MMP8: variants seen among roughly 807,000 people sequenced by gnomAD.
MMP8 encodes the protein neutrophil collagenase.
Under a neutral mutation model 51.2 loss-of-function variants are expected in MMP8, and 67 were observed. The ratio of observed to expected loss-of-function variants is 1.31; its 90% CI spans 1.08 to 1.60. The LOEUF is 1.60. Ranked by LOEUF, MMP8 falls within the 40% of genes most tolerant of loss-of-function variation. The pLI, the probability that MMP8 is intolerant of heterozygous loss-of-function variation, is 0.00. For synonymous variants in MMP8, 225 were observed against 191.0 expected (o/e 1.18, Z -1.47); for missense variants, 654 against 558.1 (o/e 1.17, Z -1.73).
chr11:102,715,182 G>T, intron 7 of MMP8, 122 bp downstream of exon 7: 1 of 1,246,244 alleles, frequency 8.0e-7, no homozygotes, highest in Non-Finnish European at 1.1e-6. Context: ...TAGTCTTCTG[G>T]CAAAAGCCTG....
intron 7 of MMP8, 52 bp from the exon 8 acceptor site, chr11:102,714,761 ATTATATATATATAT>A (rs1565436109): frequency 1.5e-5 from 4 of 264,396 alleles, no homozygotes. Context: ...TTTTTACAAA[ATTATATATATATAT>A]ATATATATAT....
At chr11:102,713,488 T>G in intron 9 of MMP8, 31 bp from the exon 10 acceptor site, 2 of 1,524,168 alleles carry the variant, frequency 1.3e-6, no homozygotes, top group Non-Finnish European at 1.8e-6. Context: ...TTTATTGAAT[T>G]AGCTTATAGA....
chr11:102,716,685 T>A (rs1031071322), intron 5 of MMP8, among the ~76,000 whole-genome samples: 2 of 152,180 alleles, frequency 1.3e-5, no homozygotes, highest in African/African-American at 4.8e-5. Flanking sequence ...TGCTCCTTCC[T>A]TCCCTTTTAA....
chr11:102,723,014 T>C, intron 1 of MMP8: 1 of 1,298,482 alleles, frequency 7.7e-7, no homozygotes, highest in Middle Eastern at 2.1e-4. Flanking sequence ...TCTTGAGGTA[T>C]TTGTTGCATC....
chr11:102,717,588 G>A (rs1256402612), intron 5 of MMP8, among the ~76,000 whole-genome samples: 2 of 152,016 alleles, frequency 1.3e-5, no homozygotes, highest in Non-Finnish European at 2.9e-5. Context: ...TCTCACTGCT[G>A]CACATCACTT....
Position 102,718,408 on chromosome 11 carries a change from C to A in MMP8, c.784+6G>T, listed in dbSNP as rs781504535. ...ATGTACTATGACTCTCTTGAGAAGA[C>A]CTTACCATAGATGGCCTGAATGCCA... On this transcript the variant is annotated splice_donor_region_variant and intron_variant, in intron 5 of 9. Coordinates refer to ENST00000236826, the MANE Select transcript of MMP8 (RefSeq NM_002424.3). 1.2e-6 allele frequency: 2 copies of A among 1,607,630 alleles called. No individual in the cohort carries two copies. Among genetic ancestry groups the A allele is most frequent in the East Asian group, 4.5e-5 (2 of 44,712 alleles).
chr11:102,713,591 T>C, intron 9 of MMP8, 134 bp from the exon 10 acceptor site: 1 of 994,978 alleles, frequency 1.0e-6, no homozygotes, highest in Admixed American at 2.4e-5. Flanking sequence ...AAACACCAGG[T>C]GCGGTGGCTA....
intron 1 of MMP8, chr11:102,723,205 G>A (rs1235550204): frequency 4.4e-6 from 2 of 450,622 alleles, no homozygotes; most frequent in Non-Finnish European, 8.4e-6. Context: ...TCTTTTAGGG[G>A]AACAGCAATA....
Position 102,721,678 on chromosome 11 carries a change from T to C in MMP8, c.432A>G (p.Ser144=), listed in dbSNP as rs1185269596. The change falls in exon 3 of 10, where the codon TCA becomes TCG. Residue 144 remains serine, a synonymous_variant. Coordinates refer to ENST00000236826, the MANE Select transcript of MMP8 (RefSeq NM_002424.3). ...GTGAGATCCTGGTGAAGATGAGAGG[T>C]GATGCAACACTCCAGAGTTCAAAGG... ...KDAFELWSVA[S]PLIFTRISQG... is the part of the protein sequence containing the mutation. 6 of 1,613,856 alleles carry C rather than the reference T, an allele frequency of 3.7e-6. No individual in the cohort carries two copies. Among genetic ancestry groups the C allele is most frequent in the East Asian group, 4.5e-5 (2 of 44,870 alleles).
intron 5 of MMP8, among the ~76,000 whole-genome samples, chr11:102,718,106 C>T (rs931118455): frequency 3.9e-5 from 5 of 129,426 alleles, no homozygotes; most frequent in African/African-American, 1.1e-4. Flanking sequence ...GACTCCATCC[C>T]CCCCCCCAAA....
chr11:102,723,479 C>A, intron 1 of MMP8: 1 of 454,450 alleles, frequency 2.2e-6, no homozygotes, highest in Non-Finnish European at 4.4e-6. Flanking sequence ...TTTTCTCTCA[C>A]AATTCTGGAG....
At chr11:102,723,485 T>C in intron 1 of MMP8, 1 of 455,574 alleles carries the variant, frequency 2.2e-6, no homozygotes, top group South Asian at 1.6e-5. Flanking sequence ...CTCACAATTC[T>C]GGAGGCTGGG....
rs750521832 is a variant in MMP8 at position 102,718,452 on chromosome 11, A to G, written c.746T>C (p.Leu249Pro). 2 of 1,613,410 alleles carry G rather than the reference A, an allele frequency of 1.2e-6. No homozygotes were observed. The highest frequency in any genetic ancestry group is 2.2e-5 in the South Asian group (2 of 90,954). The change falls in exon 5 of 10, where the codon CTC becomes CCC. Residue 249 changes from leucine to proline, a missense_variant. Leu to Pro is a moderately conservative substitution (Grantham distance 98, BLOSUM62 -3). Coordinates refer to ENST00000236826, the MANE Select transcript of MMP8 (RefSeq NM_002424.3). ...AATGCCATCGATGTCATCTTGAGGG[A>G]GTGAGTAGTTGCTGGTTTCCCTGAA... ...YAFRETSNYSLPQDDIDGIQA... is the reference protein window; with the variant it reads ...YAFRETSNYSPPQDDIDGIQA...
Position 102,715,445 on chromosome 11 carries a change from A to G in MMP8, c.903-8T>C, listed in dbSNP as rs184419254. On this transcript the variant is annotated splice_region_variant and splice_polypyrimidine_tract_variant and intron_variant, in intron 6 of 9. Coordinates refer to ENST00000236826, the MANE Select transcript of MMP8 (RefSeq NM_002424.3). ...TGCCTTCTCCAGAAGTACCTAACGG[A>G]ACATAAGGAAACACACACACACACT... The G allele has an allele frequency of 3.1e-6, 5 of 1,608,390 alleles. No individual in the cohort carries two copies. Among genetic ancestry groups the G allele is most frequent in the Non-Finnish European group, 4.2e-6 (5 of 1,177,600 alleles).
At chr11:102,723,025 A>C (rs1314042806) in intron 1 of MMP8, 8 of 1,295,600 alleles carry the variant, frequency 6.2e-6, no homozygotes, top group Non-Finnish European at 6.0e-6. Context: ...TTGTTGCATC[A>C]GTGCAGTTCC....
intron 9 of MMP8, 103 bp from the exon 10 acceptor site, chr11:102,713,560 A>C: frequency 9.0e-7 from 1 of 1,108,886 alleles, no homozygotes; most frequent in Non-Finnish European, 1.3e-6. Context: ...TTCAAATGCA[A>C]ACATGCTATT....
chr11:102,715,563 T>A (rs1299571238), intron 6 of MMP8, 126 bp from the exon 7 acceptor site: 1 of 1,280,320 alleles, frequency 7.8e-7, no homozygotes, highest in Non-Finnish European at 1.1e-6. Flanking sequence ...ATCGAACGAA[T>A]GCAAAGTTCC....
chr11:102,720,092 T>A (rs1017408974), intron 4 of MMP8, among the ~76,000 whole-genome samples: 2 of 152,058 alleles, frequency 1.3e-5, no homozygotes, highest in Non-Finnish European at 2.9e-5. Context: ...ACAATGTGGG[T>A]GTTAGCCCGA....
intron 8 of MMP8, 47 bp downstream of exon 8, chr11:102,714,509 G>C (rs1330410033): frequency 1.5e-6 from 2 of 1,303,458 alleles, no homozygotes; most frequent in South Asian, 2.3e-5. Context: ...AAGCAGGGTA[G>C]AGAAACACAG....
Sources: gnomAD v4.1 joint callset for allele counts (sites outside exome capture counted in the v4.1 genomes callset) on GRCh38, gnomAD v4.1.1 for gene constraint, MANE v1.5 for transcripts, NCBI Gene and HGNC (gene_info 2026-07-23, HGNC 2026-07-21) for gene names.